The following ZFPM2 variants were observed in gnomAD, a reference collection of about 807,000 sequenced individuals.
ZFPM2 encodes the protein zinc finger protein ZFPM2.
Under a neutral mutation model 98.6 loss-of-function variants are expected in ZFPM2, and 20 were observed. The observed-to-expected ratio is 0.20, with a 90% CI of 0.14 to 0.29. The LOEUF (loss-of-function observed/expected upper bound fraction) is 0.29, where lower values mean the gene tolerates loss of function less well. Ranked by LOEUF, ZFPM2 falls within the 10% of genes least tolerant of loss-of-function variation. The probability of loss-of-function intolerance (pLI) is 1.00; values close to 1 mark genes in which losing one functional copy is unlikely to be tolerated. For missense variants in ZFPM2, 1,310 were observed against 1,388.6 expected (o/e 0.94, Z 0.90); for synonymous variants, 518 against 502.7 (o/e 1.03, Z -0.41).
intron 5 of ZFPM2, among the ~76,000 whole-genome samples, chr8:105,692,049 T>C (rs1810897729): frequency 6.6e-6 from 1 of 152,246 alleles, no homozygotes; most frequent in Non-Finnish European, 1.5e-5. Context: ...GTACAAGTCA[T>C]GCTCTTTTAG....
chr8:105,586,041 A>G (rs62527233), intron 4 of ZFPM2, among the ~76,000 whole-genome samples: 21 of 129,028 alleles, frequency 1.6e-4, no homozygotes, highest in African/African-American at 5.4e-4. Context: ...GTGTGTGTGT[A>G]TGCACACGTG....
At chr8:105,363,354 A>T (rs1389216513) in intron 1 of ZFPM2, among the ~76,000 whole-genome samples, 1 of 151,998 alleles carries the variant, frequency 6.6e-6, no homozygotes, top group Admixed American at 6.6e-5. Flanking sequence ...TTGCTATGTG[A>T]CTCTAAGGTG....
At chr8:105,540,000 T>G (rs1755620356) in intron 3 of ZFPM2, among the ~76,000 whole-genome samples, 1 of 152,174 alleles carries the variant, frequency 6.6e-6, no homozygotes. Context: ...TCAGCTTTCC[T>G]TAAGCATTTT....
intron 3 of ZFPM2, among the ~76,000 whole-genome samples, chr8:105,487,379 A>C (rs1356219341): frequency 6.6e-6 from 1 of 152,152 alleles, no homozygotes; most frequent in Non-Finnish European, 1.5e-5. Flanking sequence ...TCGGCCTCCC[A>C]AAGTATTGGG....
At chr8:105,528,770 A>G (rs1020407810) in intron 3 of ZFPM2, 2 of 152,180 alleles carry the variant, frequency 1.3e-5, no homozygotes, top group Non-Finnish European at 2.9e-5. Context: ...GTGGAAATAT[A>G]GGAAGAAGTG....
At chr8:105,561,602 C>A in intron 4 of ZFPM2, 121 bp downstream of exon 4, 1 of 837,658 alleles carries the variant, frequency 1.2e-6, no homozygotes, top group Non-Finnish European at 1.8e-6. Context: ...TTTGTTTTTG[C>A]TTTTTCGTGG....
intron 5 of ZFPM2, among the ~76,000 whole-genome samples, chr8:105,663,440 C>T (rs963613570): frequency 1.3e-5 from 2 of 152,210 alleles, no homozygotes; most frequent in Admixed American, 6.5e-5. Context: ...GTTTATCATG[C>T]ACCTACTATG....
In ZFPM2 at chr8:105,727,428, T is replaced by A. The variant is rs78295794; in HGVS notation, c.533-61290T>A. Among the ~76,000 whole-genome samples the A allele has an allele frequency of 9.9e-3, 1,497 of 151,918 alleles. 32 individuals are homozygous for A. The highest frequency in any genetic ancestry group is 0.034 in the African/African-American group (1,401 of 41,500). On this transcript the variant is annotated intron_variant, in intron 5 of 7. Transcript: ENST00000407775. ...TGAAGCAATGTACTATGCGATCTCC[T>A]ACTATGGTAATTAATTGCTGATTTA...
rs150829710 is a variant in ZFPM2 at position 105,468,722 on chromosome 8, A to G, written c.301+24341A>G. On this transcript the variant is annotated intron_variant, in intron 3 of 7. Coordinates refer to ENST00000407775, the MANE Select transcript of ZFPM2 (RefSeq NM_012082.4). ...TGAGCATTTATTATGCATATGCGGC[A>G]CTGTGCCAGACACTAAGCAGAATCT... is the stretch of plus-strand genomic sequence containing the variant. 4.7e-3 allele frequency among the ~76,000 whole-genome samples: 712 copies of G among 152,290 alleles called. 6 individuals carry two copies. The highest frequency in any genetic ancestry group is 0.016 in the African/African-American group (677 of 41,566).
chr8:105,641,107 G>C (rs1816941224), intron 5 of ZFPM2, among the ~76,000 whole-genome samples: 1 of 151,974 alleles, frequency 6.6e-6, no homozygotes, highest in Non-Finnish European at 1.5e-5. Context: ...CAGTGGAATT[G>C]TACAACTGGA....
intron 2 of ZFPM2, among the ~76,000 whole-genome samples, chr8:105,422,138 T>C (rs530451401): frequency 6.6e-6 from 1 of 150,868 alleles, no homozygotes; most frequent in South Asian, 2.1e-4. Flanking sequence ...CATGTTCCTC[T>C]GAAGAAAAGT....
chr8:105,330,579 T>C (rs35640871), intron 1 of ZFPM2, among the ~76,000 whole-genome samples: 17,273 of 96,286 alleles, frequency 0.18, 1,389 homozygotes, highest in South Asian at 0.21. Context: ...CATATATATA[T>C]ACATATATAT....
chr8:105,527,985 A>G (rs1453486056), intron 3 of ZFPM2, among the ~76,000 whole-genome samples: 1 of 152,168 alleles, frequency 6.6e-6, no homozygotes, highest in Non-Finnish European at 1.5e-5. Context: ...TTTAAATTCT[A>G]TGTTGTGTTG....
intron 4 of ZFPM2, among the ~76,000 whole-genome samples, chr8:105,582,805 A>G (rs545713340): frequency 3.3e-5 from 5 of 152,060 alleles, no homozygotes; most frequent in South Asian, 2.1e-4. Context: ...TGTTGCCCCA[A>G]TTGGTTTCAA....
At chr8:105,706,604 T>A (rs1477515299) in intron 5 of ZFPM2, among the ~76,000 whole-genome samples, 2 of 152,014 alleles carry the variant, frequency 1.3e-5, no homozygotes, top group African/African-American at 4.8e-5. Flanking sequence ...TTTTTGGAAA[T>A]AGAGTCTCAC....
At chr8:105,590,758 G>GCACA (rs1554619852) in intron 4 of ZFPM2, among the ~76,000 whole-genome samples, 29 of 137,310 alleles carry the variant, frequency 2.1e-4, no homozygotes, top group African/African-American at 6.9e-4. Context: ...GCATACGTGC[G>GCACA]CACGCACACA....
chr8:105,332,839 G>A (rs535040463), intron 1 of ZFPM2, among the ~76,000 whole-genome samples: 2 of 151,756 alleles, frequency 1.3e-5, no homozygotes, highest in South Asian at 4.1e-4. Flanking sequence ...AGGTTAAGGA[G>A]CATGGTATTT....
At chr8:105,514,385 G>C (rs1813878622) in intron 3 of ZFPM2, among the ~76,000 whole-genome samples, 1 of 148,498 alleles carries the variant, frequency 6.7e-6, no homozygotes, top group Non-Finnish European at 1.5e-5. Flanking sequence ...ACTCTCTGAT[G>C]GAGATTTAAG....
chr8:105,635,223 T>A (rs1816824113), intron 5 of ZFPM2, among the ~76,000 whole-genome samples: 1 of 152,164 alleles, frequency 6.6e-6, no homozygotes, highest in African/African-American at 2.4e-5. Context: ...AAAGATGTAT[T>A]TGCACATTGA....
Sources: gnomAD v4.1 joint callset for allele counts (sites outside exome capture counted in the v4.1 genomes callset) on GRCh38, gnomAD v4.1.1 for gene constraint, MANE v1.5 for transcripts, NCBI Gene and HGNC (gene_info 2026-07-23, HGNC 2026-07-21) for gene names.